Variants in RAB38 observed in about 807,000 individuals in gnomAD.
RAB38 encodes ras-related protein Rab-38.
Under a neutral mutation model 18.4 loss-of-function variants are expected in RAB38, and 15 were observed. The ratio of observed to expected loss-of-function variants is 0.82; its 90% CI spans 0.55 to 1.26. The LOEUF (loss-of-function observed/expected upper bound fraction) is 1.26. Among genes scored for constraint, RAB38 ranks in the 50% most tolerant of loss-of-function variants. RAB38 has a pLI of 0.00. For synonymous variants in RAB38, 101 were observed against 104.4 expected, an observed-to-expected ratio of 0.97 and a Z score of 0.20; for missense variants, 294 against 267.4, an observed-to-expected ratio of 1.10 and a Z score of -0.69.
the RAB38 span, among the ~76,000 whole-genome samples, chr11:88,028,633 T>G: frequency 2.6e-5 from 4 of 151,982 alleles, no homozygotes; most frequent in Non-Finnish European, 4.4e-5. Context: ...GTATCACCGA[T>G]GGAAGATGAA....
At chr11:88,090,095 C>A in the RAB38 span, among the ~76,000 whole-genome samples, 1 of 151,994 alleles carries the variant, frequency 6.6e-6, no homozygotes, top group South Asian at 2.1e-4. Flanking sequence ...TACCATGAAC[C>A]AGTAAAGGGT....
the RAB38 span, among the ~76,000 whole-genome samples, chr11:87,852,782 A>G: frequency 2.5e-3 from 373 of 152,204 alleles, 6 homozygotes; most frequent in Admixed American, 0.022. Context: ...ACAGAACACA[A>G]TCTTGCTTTG....
the RAB38 span, among the ~76,000 whole-genome samples, chr11:88,004,965 C>T: frequency 6.6e-6 from 1 of 150,970 alleles, no homozygotes; most frequent in Non-Finnish European, 1.5e-5. Flanking sequence ...ACAAAATATT[C>T]CAGAGAAATT....
chr11:87,830,686 A>G, the RAB38 span, among the ~76,000 whole-genome samples: 1 of 152,160 alleles, frequency 6.6e-6, no homozygotes, highest in African/African-American at 2.4e-5. Flanking sequence ...ATAAAATTTA[A>G]TATAGGATTG....
At chr11:87,975,514 A>G in the RAB38 span, among the ~76,000 whole-genome samples, 1 of 151,916 alleles carries the variant, frequency 6.6e-6, no homozygotes, top group Non-Finnish European at 1.5e-5. Context: ...GATGACTAAC[A>G]TGGTAAATAT....
the RAB38 span, among the ~76,000 whole-genome samples, chr11:87,856,652 C>T: frequency 6.6e-6 from 1 of 152,058 alleles, no homozygotes; most frequent in Non-Finnish European, 1.5e-5. Flanking sequence ...ATCAAGGTGC[C>T]TTGGTCCCAC....
chr11:88,032,911 T>G, the RAB38 span, among the ~76,000 whole-genome samples: 2 of 152,324 alleles, frequency 1.3e-5, no homozygotes, highest in Middle Eastern at 3.4e-3. Flanking sequence ...CATGCTGCTG[T>G]AAAGACACAT....
Position 88,175,274 on chromosome 11 carries a change from G to A in RAB38, c.111C>T (p.His37=). ...KRYVHQNFSS[H]YRATIGVDFA... ...AGTCCACGCCGATTGTGGCCCGGTA[G>A]TGCGAAGAGAAGTTCTGGTGCACGT... Residue 37 remains histidine (H), a synonymous_variant, in exon 1 of 3, where the codon CAC becomes CAT. Transcript: ENST00000243662. The A allele has an allele frequency of 2.5e-6, 4 of 1,614,216 alleles. No homozygotes were observed. The highest frequency in any genetic ancestry group is 3.4e-6 in the Non-Finnish European group (4 of 1,180,030).
chr11:87,948,448 G>A, the RAB38 span, among the ~76,000 whole-genome samples: 33 of 151,874 alleles, frequency 2.2e-4, no homozygotes, highest in African/African-American at 7.5e-4. Context: ...TAGGAGTGGT[G>A]AGAGAGGGCA....
the RAB38 span, among the ~76,000 whole-genome samples, chr11:87,934,288 G>C: frequency 1.4e-4 from 22 of 152,214 alleles, no homozygotes; most frequent in African/African-American, 5.1e-4. Context: ...CACCATTTAA[G>C]ACACAATTGA....
At chr11:88,102,140 C>A in the RAB38 span, among the ~76,000 whole-genome samples, 1 of 151,982 alleles carries the variant, frequency 6.6e-6, no homozygotes, top group Non-Finnish European at 1.5e-5. Context: ...TATGACTCTA[C>A]TATTAACATA....
At chr11:87,854,716 T>C in the RAB38 span, among the ~76,000 whole-genome samples, 1 of 152,328 alleles carries the variant, frequency 6.6e-6, no homozygotes, top group South Asian at 2.1e-4. Context: ...TTCTTAATTA[T>C]GTAAAAACCA....
the RAB38 span, among the ~76,000 whole-genome samples, chr11:88,040,201 C>A: frequency 6.6e-6 from 1 of 152,166 alleles, no homozygotes; most frequent in Non-Finnish European, 1.5e-5. Context: ...TTTATGTTCT[C>A]ACAGTTCTGG....
chr11:88,110,493 C>A (rs1325840468), downstream of RAB38, among the ~76,000 whole-genome samples: 2 of 152,026 alleles, frequency 1.3e-5, no homozygotes, highest in African/African-American at 4.8e-5. Context: ...GCACATTCTG[C>A]ATATGTATCC....
chr11:88,015,967 C>A, the RAB38 span, among the ~76,000 whole-genome samples: 1 of 152,148 alleles, frequency 6.6e-6, no homozygotes, highest in Non-Finnish European at 1.5e-5. Flanking sequence ...TCCACCATAT[C>A]CACCACCTCC....
At chr11:88,155,917 C>T (rs760952495) in intron 1 of RAB38, among the ~76,000 whole-genome samples, 26 of 152,166 alleles carry the variant, frequency 1.7e-4, no homozygotes, top group Non-Finnish European at 3.4e-4. Flanking sequence ...ACCAATCAGA[C>T]GAAACCATTT....
the RAB38 span, among the ~76,000 whole-genome samples, chr11:87,887,263 C>A: frequency 6.6e-6 from 1 of 151,942 alleles, no homozygotes; most frequent in Non-Finnish European, 1.5e-5. Context: ...TCTGCCTGAC[C>A]TCACTGTGCT....
At chr11:87,809,473 C>G in the RAB38 span, among the ~76,000 whole-genome samples, 1 of 152,192 alleles carries the variant, frequency 6.6e-6, no homozygotes, top group African/African-American at 2.4e-5. Flanking sequence ...AAGTCACGGT[C>G]TCTGACTTCT....
chr11:87,900,561 A>C, the RAB38 span, among the ~76,000 whole-genome samples: 1 of 151,516 alleles, frequency 6.6e-6, no homozygotes, highest in East Asian at 2.0e-4. Flanking sequence ...TCCCAAGTTT[A>C]CCTCCCAACT....
Sources: allele counts gnomAD v4.1 joint callset (sites outside exome capture counted in the v4.1 genomes callset), GRCh38; gene constraint gnomAD v4.1.1; transcripts MANE v1.5; gene names NCBI Gene and HGNC (gene_info 2026-07-23, HGNC 2026-07-21).